JAKMIP1: variants seen among roughly 807,000 people sequenced by gnomAD.
The protein encoded by JAKMIP1 is janus kinase and microtubule-interacting protein 1.
In JAKMIP1, 33 loss-of-function variants were observed where a neutral mutation model predicts 113.0. The observed-to-expected ratio is 0.29, with a 90% CI of 0.22 to 0.39. The LOEUF (loss-of-function observed/expected upper bound fraction) is 0.39. JAKMIP1 is among the 10% of genes least tolerant of loss of function. The pLI is 1.00. For missense variants in JAKMIP1, 813 were observed against 1,080.5 expected (o/e 0.75, Z 3.47); for synonymous variants, 480 against 459.9 (o/e 1.04, Z -0.56).
intron 1 of JAKMIP1, among the ~76,000 whole-genome samples, chr4:6,190,740 T>G (rs1727167564): frequency 6.6e-6 from 1 of 152,166 alleles, no homozygotes; most frequent in Non-Finnish European, 1.5e-5. Context: ...TCTCTCCATG[T>G]GGAACAAGCA....
chr4:6,085,706 G>A (rs534977800), intron 3 of JAKMIP1, 77 bp from the exon 4 acceptor site: 129 of 1,380,848 alleles, frequency 9.3e-5, no homozygotes, highest in Non-Finnish European at 1.2e-4. Flanking sequence ...TGGGGCCTTC[G>A]GCCCAGGGAA....
chr4:6,184,633 C>T lies in JAKMIP1; in HGVS notation c.-148+15620G>A, dbSNP rs970305107. ...GGTCCCCCGCGCTCACCTGTAGATT[C>T]AGCAAGAGAGCAGGGGTGATTGTGC... On this transcript the variant is annotated intron_variant, in intron 1 of 20. Transcript: ENST00000409021. The surrounding 1 kb of genome is among the most constrained non-coding windows in gnomAD (Gnocchi z 4.5). Among the ~76,000 whole-genome samples, 3 of 152,212 alleles carry T rather than the reference C, an allele frequency of 2.0e-5. No homozygotes were observed. Among genetic ancestry groups the T allele is most frequent in the Admixed American group, 6.5e-5 (1 of 15,286 alleles).
rs753717985 is a variant in JAKMIP1, at chr4:6,079,011, A to C, written c.1243-13T>G. The C allele has an allele frequency of 1.2e-6, 2 of 1,614,162 alleles. No individual in the cohort carries two copies. The highest frequency in any genetic ancestry group is 2.2e-5 in the South Asian group (2 of 91,070). ...GCCGTTCTCTCTCCTAGAAGGAAAC[A>C]CAACGGTTGGCATTTCCAGCCAGCC... On this transcript the variant is annotated splice_polypyrimidine_tract_variant and intron_variant, in intron 7 of 20. Transcript: ENST00000409021.
intron 3 of JAKMIP1, among the ~76,000 whole-genome samples, chr4:6,104,240 T>C (rs1193840494): frequency 6.6e-6 from 1 of 152,220 alleles, no homozygotes; most frequent in African/African-American, 2.4e-5. Context: ...GGTGAAATCA[T>C]GTCTTTATTC....
In JAKMIP1 at chr4:6,158,879, A is replaced by G. The variant is rs1395345844; in HGVS notation, c.-148+41374T>C. On this transcript the variant is annotated intron_variant, in intron 1 of 20. Transcript: ENST00000409021. This position sits in a 1 kb window ranked among gnomAD's most constrained non-coding sequence, Gnocchi z 5.3. Reference sequence around the variant, plus strand: ...TGAAGCAGGAGGATCGCTTGACCTCAGGAGTTCGAGACCAGCCTGACCAAC... The same window carrying G: ...TGAAGCAGGAGGATCGCTTGACCTCGGGAGTTCGAGACCAGCCTGACCAAC... Among the ~76,000 whole-genome samples, 1 of 152,188 alleles carries G rather than the reference A, an allele frequency of 6.6e-6. No individual in the cohort carries two copies. The highest frequency in any genetic ancestry group is 1.5e-5 in the Non-Finnish European group (1 of 68,038).
chr4:6,084,438 G>T (rs1720996839), intron 5 of JAKMIP1, among the ~76,000 whole-genome samples: 1 of 151,938 alleles, frequency 6.6e-6, no homozygotes, highest in African/African-American at 2.4e-5. Context: ...AATTAAAGAG[G>T]GTCTCCATCA....
intron 8 of JAKMIP1, among the ~76,000 whole-genome samples, chr4:6,068,177 G>A (rs183340912): frequency 7.9e-5 from 12 of 152,292 alleles, no homozygotes; most frequent in South Asian, 4.1e-4. Context: ...CAATGCTGCC[G>A]AAAACCCTAC....
chr4:6,134,268 C>T lies in JAKMIP1; in HGVS notation c.-147-21271G>A, dbSNP rs149183152. 2.7e-3 allele frequency among the ~76,000 whole-genome samples: 414 copies of T among 152,322 alleles called. 1 individual carries two copies. Among genetic ancestry groups the T allele is most frequent in the African/African-American group, 9.5e-3 (396 of 41,554 alleles). On this transcript the variant is annotated intron_variant, in intron 1 of 20. Transcript: ENST00000409021. Reference sequence around the variant, plus strand: ...TGATTGTAAGTTTCCTGAGGCCTCCCCAGCCATGTGGAACTGTGAGTCATT... The same window carrying T: ...TGATTGTAAGTTTCCTGAGGCCTCCTCAGCCATGTGGAACTGTGAGTCATT...
Position 6,108,417 on chromosome 4 carries a change from G to A in JAKMIP1, c.130-2450C>T, listed in dbSNP as rs1399432462. On this transcript the variant is annotated intron_variant, in intron 2 of 20. Transcript: ENST00000409021. This position sits in a 1 kb window ranked among gnomAD's most constrained non-coding sequence, Gnocchi z 5.6. The stretch of plus-strand genomic sequence containing the variant: ...GCACTTGGACTCTAAATGCAGCCAC[G>A]GCACAAAGGCCAAGAGAGGGAGCAT... Among the ~76,000 whole-genome samples, 2 of 152,172 alleles carry A rather than the reference G, an allele frequency of 1.3e-5. No homozygotes were observed. The highest frequency in any genetic ancestry group is 2.1e-4 in the South Asian group (1 of 4,816).
intron 20 of JAKMIP1, 45 bp from the exon 21 acceptor site, chr4:6,026,323 G>T: frequency 9.9e-7 from 1 of 1,007,960 alleles, no homozygotes; most frequent in Non-Finnish European, 1.5e-6. Context: ...AGAAGAAAAA[G>T]AAAAGAAAAC....
At chr4:6,169,275 A>G (rs1724037829) in intron 1 of JAKMIP1, among the ~76,000 whole-genome samples, 1 of 152,110 alleles carries the variant, frequency 6.6e-6, no homozygotes. Context: ...GTCATGAGTT[A>G]GGAGGAGGCC....
At chr4:6,073,310 A>C (rs1719245026) in intron 8 of JAKMIP1, among the ~76,000 whole-genome samples, 1 of 152,256 alleles carries the variant, frequency 6.6e-6, no homozygotes, top group South Asian at 2.1e-4. Flanking sequence ...AGCCACTGAC[A>C]AAAATGGCCC....
chr4:6,037,469 G>C (rs1157842237), intron 18 of JAKMIP1, among the ~76,000 whole-genome samples: 1 of 131,834 alleles, frequency 7.6e-6, no homozygotes, highest in African/African-American at 3.4e-5. Context: ...CCATCACTGA[G>C]GCAGAGGCTA....
intron 1 of JAKMIP1, among the ~76,000 whole-genome samples, chr4:6,126,903 C>T (rs1029799393): frequency 6.6e-6 from 1 of 151,106 alleles, no homozygotes; most frequent in African/African-American, 2.4e-5. Flanking sequence ...ACACACACCA[C>T]AGATACACAC....
At chr4:6,172,888 C>T (rs933781904) in intron 1 of JAKMIP1, among the ~76,000 whole-genome samples, 1 of 152,146 alleles carries the variant, frequency 6.6e-6, no homozygotes, top group African/African-American at 2.4e-5. Context: ...GGAACAGCTG[C>T]CGCTCTCACA....
intron 7 of JAKMIP1, 133 bp from the exon 8 acceptor site, chr4:6,079,131 T>C (rs1230145848): frequency 2.5e-6 from 2 of 797,396 alleles, no homozygotes; most frequent in African/African-American, 3.4e-5. Flanking sequence ...AGTGCCCAAG[T>C]GATGGCTGCT....
rs1054912445 is a variant in JAKMIP1, at chr4:6,106,519, C to T, written c.130-552G>A. ...GGTCTTGGGAAGGAAGTAGCGTGCTCCCTCTCTTTCTCCCTCTCTCCTCTC... is the reference window on the plus strand; with the variant it reads ...GGTCTTGGGAAGGAAGTAGCGTGCTTCCTCTCTTTCTCCCTCTCTCCTCTC... On this transcript the variant is annotated intron_variant, in intron 2 of 20. Coordinates refer to ENST00000409021, the MANE Select transcript of JAKMIP1 (RefSeq NM_001099433.2). This position sits in a 1 kb window ranked among gnomAD's most constrained non-coding sequence, Gnocchi z 5.9. 6.7e-6 allele frequency among the ~76,000 whole-genome samples: 1 copy of T among 150,272 alleles called. No homozygotes were observed. The highest frequency in any genetic ancestry group is 2.5e-5 in the African/African-American group (1 of 40,372).
chr4:6,038,477 C>CAG (rs1713865081), intron 18 of JAKMIP1, among the ~76,000 whole-genome samples: 1 of 149,212 alleles, frequency 6.7e-6, no homozygotes, highest in Admixed American at 6.6e-5. Context: ...ATCACTGAGG[C>CAG]AGAGGTTAAC....
intron 1 of JAKMIP1, among the ~76,000 whole-genome samples, chr4:6,159,346 A>G (rs1722625760): frequency 6.6e-6 from 1 of 152,152 alleles, no homozygotes; most frequent in African/African-American, 2.4e-5. Context: ...AGCATCTACA[A>G]AAGGCAAAAA....
Sources: gnomAD v4.1 joint callset for allele counts (sites outside exome capture counted in the v4.1 genomes callset) on GRCh38, gnomAD v4.1.1 for gene constraint, Gnocchi (gnomAD v3.1) non-coding constraint, MANE v1.5 for transcripts, NCBI Gene and HGNC (gene_info 2026-07-23, HGNC 2026-07-21) for gene names.